The following PPP1R36 variants were observed in gnomAD, a reference collection of about 807,000 sequenced individuals.
PPP1R36 encodes the protein chromosome 14 open reading frame 50.
A neutral mutation model predicts 53.4 loss-of-function variants in PPP1R36; 47 were observed. That is an observed-to-expected ratio of 0.88 (90% confidence interval 0.70 to 1.12). The LOEUF (loss-of-function observed/expected upper bound fraction) is 1.12. PPP1R36 is among the 50% of genes most tolerant of loss of function. The probability of loss-of-function intolerance (pLI) is 0.00; values close to 1 mark genes in which losing one functional copy is unlikely to be tolerated. For missense variants in PPP1R36, 456 were observed against 513.9 expected (o/e 0.89, Z 1.09); for synonymous variants, 153 against 170.5 (o/e 0.90, Z 0.80).
At chr14:64,550,616 C>T (rs2080086641) in intron 1 of PPP1R36, among the ~76,000 whole-genome samples, 1 of 152,160 alleles carries the variant, frequency 6.6e-6, no homozygotes, top group Non-Finnish European at 1.5e-5. Flanking sequence ...TCCTCCGCTG[C>T]TTCTTTCCTC....
chr14:64,577,718 CTTTTTTTTTTTTTTT>C (rs10667127), intron 8 of PPP1R36, among the ~76,000 whole-genome samples: 23,817 of 95,514 alleles, frequency 0.25, 2,628 homozygotes, highest in Middle Eastern at 0.37. Context: ...GCCATGATTA[CTTTTTTTTTTTTTTT>C]TTTTTTTTTT....
At position 64,587,186 on chromosome 14, in the gene PPP1R36, TG is replaced by T; in HGVS notation, c.712-7del. 1.9e-6 allele frequency: 3 copies of T among 1,595,638 alleles called. No homozygotes were observed. Among genetic ancestry groups the T allele is most frequent in the Non-Finnish European group, 2.6e-6 (3 of 1,168,826 alleles). The stretch of plus-strand genomic sequence containing the variant: ...AGGATCGTGATTCTTGTCTATTTTT[TG>T]TTGTAGTCCTTTTATACTTTCTGTA... On this transcript the variant is annotated splice_polypyrimidine_tract_variant and splice_region_variant and intron_variant, in intron 9 of 11. Coordinates refer to ENST00000298705, the MANE Select transcript of PPP1R36 (RefSeq NM_172365.3).
intron 3 of PPP1R36, chr14:64,559,453 C>G (rs2080186339): frequency 6.6e-6 from 1 of 152,322 alleles, no homozygotes; most frequent in African/African-American, 2.4e-5. Context: ...GATATGGGAC[C>G]TGGATTTCCT....
At chr14:64,557,444 A>C (rs560757308) in intron 3 of PPP1R36, among the ~76,000 whole-genome samples, 13 of 152,314 alleles carry the variant, frequency 8.5e-5, no homozygotes, top group Non-Finnish European at 1.9e-4. Flanking sequence ...CAAACAGGGG[A>C]GGAGGATACA....
At chr14:64,572,418 G>A (rs2080310320) in intron 7 of PPP1R36, among the ~76,000 whole-genome samples, 1 of 152,158 alleles carries the variant, frequency 6.6e-6, no homozygotes, top group Admixed American at 6.5e-5. Context: ...AACAGTATGG[G>A]GGAATGGTTT....
chr14:64,571,351 T>A (rs1458584018), intron 7 of PPP1R36, among the ~76,000 whole-genome samples: 1 of 152,122 alleles, frequency 6.6e-6, no homozygotes, highest in Non-Finnish European at 1.5e-5. Flanking sequence ...GACCTTGAAC[T>A]CCTGACCTCA....
intron 8 of PPP1R36, among the ~76,000 whole-genome samples, chr14:64,584,971 G>T (rs913341881): frequency 7.9e-5 from 12 of 152,186 alleles, no homozygotes; most frequent in Non-Finnish European, 1.6e-4. Context: ...TGCACATGAA[G>T]AAACCAATAT....
chr14:64,572,575 G>A (rs552153801), intron 7 of PPP1R36, among the ~76,000 whole-genome samples: 70 of 152,114 alleles, frequency 4.6e-4, no homozygotes, highest in African/African-American at 1.3e-3. Flanking sequence ...TGCATATGGG[G>A]TCTAGGGACC....
intron 8 of PPP1R36, among the ~76,000 whole-genome samples, chr14:64,575,127 T>C (rs186468556): frequency 6.6e-6 from 1 of 152,318 alleles, no homozygotes; most frequent in East Asian, 1.9e-4. Flanking sequence ...GATCACAAGG[T>C]CGAACACATC....
At chr14:64,555,979 T>G (rs987541330) in intron 3 of PPP1R36, among the ~76,000 whole-genome samples, 1 of 152,160 alleles carries the variant, frequency 6.6e-6, no homozygotes, top group Non-Finnish European at 1.5e-5. Context: ...AAAGTGAAGA[T>G]TCCACCACAG....
chr14:64,552,951 T>A, intron 3 of PPP1R36, 90 bp downstream of exon 3: 1 of 1,232,474 alleles, frequency 8.1e-7, no homozygotes, highest in Non-Finnish European at 1.2e-6. Context: ...CACAAGAGAA[T>A]GTGTGTATAA....
At chr14:64,577,834 TC>T (rs916397786) in intron 8 of PPP1R36, among the ~76,000 whole-genome samples, 1 of 151,192 alleles carries the variant, frequency 6.6e-6, no homozygotes. Context: ...CACGCTGTTC[TC>T]CTGCCTCAGC....
At chr14:64,575,860 C>T (rs2080337404) in intron 8 of PPP1R36, among the ~76,000 whole-genome samples, 1 of 151,980 alleles carries the variant, frequency 6.6e-6, no homozygotes. Flanking sequence ...CCATGTTAGC[C>T]AGGATGGTCT....
Position 64,564,787 on chromosome 14 carries a change from G to A in PPP1R36, c.219G>A (p.Lys73=), listed in dbSNP as rs1428022120. The change falls in exon 4 of 12, where the codon AAG becomes AAA. Residue 73 remains lysine (K), a synonymous_variant. Transcript: ENST00000298705. ...TPAAEVKEKG[K]KGKAVHFAET... ...CAGCAGAAGTCAAGGAAAAAGGAAA[G>A]AAAGGCAAAGCAGTTCACTTTGCAG... is the stretch of plus-strand genomic sequence containing the variant. The A allele has an allele frequency of 6.2e-7, 1 of 1,610,694 alleles. No individual in the cohort carries two copies. Among genetic ancestry groups the A allele is most frequent in the Non-Finnish European group, 8.5e-7 (1 of 1,178,956 alleles).
In PPP1R36 at chr14:64,564,791, G is replaced by T. The variant is rs74056311; in HGVS notation, c.223G>T (p.Gly75Cys). Residue 75 changes from glycine to cysteine, a missense_variant, in exon 4 of 12, where the codon GGC (glycine) becomes TGC (cysteine). Physicochemically the swap from Gly to Cys is radical, Grantham distance 159 (BLOSUM62 -3). Transcript: ENST00000298705. ...AAEVKEKGKK[G>C]KAVHFAETDG... ...AGAAGTCAAGGAAAAAGGAAAGAAA[G>T]GCAAAGCAGTTCACTTTGCAGAAAC... The T allele has an allele frequency of 3.7e-3, 5,914 of 1,610,576 alleles. 218 individuals are homozygous for T. In the African/African-American group the frequency reaches 0.071, roughly 19 times the overall value.
At chr14:64,577,826 C>T (rs1373211388) in intron 8 of PPP1R36, among the ~76,000 whole-genome samples, 4 of 147,234 alleles carry the variant, frequency 2.7e-5, no homozygotes, top group East Asian at 2.1e-4. Context: ...TCCGGGTTCA[C>T]GCTGTTCTCC....
chr14:64,572,296 C>T (rs1457605948), intron 7 of PPP1R36, among the ~76,000 whole-genome samples: 1 of 152,098 alleles, frequency 6.6e-6, no homozygotes, highest in African/African-American at 2.4e-5. Flanking sequence ...ATAAGCGCAT[C>T]CGTTTCAACA....
At chr14:64,583,077 T>TATA (rs1156551061) in intron 8 of PPP1R36, among the ~76,000 whole-genome samples, 25 of 144,754 alleles carry the variant, frequency 1.7e-4, no homozygotes, top group African/African-American at 5.8e-4. Flanking sequence ...ATATATATAT[T>TATA]TTTTTTTTGT....
At chr14:64,583,284 T>A (rs1280023272) in intron 8 of PPP1R36, among the ~76,000 whole-genome samples, 1 of 151,816 alleles carries the variant, frequency 6.6e-6, no homozygotes, top group Non-Finnish European at 1.5e-5. Context: ...GTACTTAATA[T>A]AAAAATTATA....
Sources: gnomAD v4.1 joint callset for allele counts (sites outside exome capture counted in the v4.1 genomes callset) on GRCh38, gnomAD v4.1.1 for gene constraint, MANE v1.5 for transcripts, NCBI Gene and HGNC (gene_info 2026-07-23, HGNC 2026-07-21) for gene names.